Variants in ARFGEF3 observed in about 807,000 individuals in gnomAD.
ARFGEF3 encodes the protein ARFGEF family member 3.
Under a neutral mutation model 221.7 loss-of-function variants are expected in ARFGEF3, and 96 were observed. The ratio of observed to expected loss-of-function variants is 0.43; its 90% CI spans 0.37 to 0.51. ARFGEF3 has a LOEUF of 0.51. Among genes scored for constraint, ARFGEF3 ranks in the 20% least tolerant of loss-of-function variants. ARFGEF3 has a pLI of 0.00. For missense variants in ARFGEF3, 2,410 were observed against 2,789.9 expected (o/e 0.86, Z 3.07); for synonymous variants, 1,145 against 1,126.8 (o/e 1.02, Z -0.32).
chr6:138,272,241 C>T (rs1228340507), intron 12 of ARFGEF3, among the ~76,000 whole-genome samples: 8 of 152,060 alleles, frequency 5.3e-5, no homozygotes, highest in African/African-American at 1.7e-4. Flanking sequence ...CTGCAACCTC[C>T]GCCTCCTGGG....
Position 138,162,120 on chromosome 6 carries a change from G to A in ARFGEF3, c.34G>A (p.Ala12Thr). The change falls in exon 1 of 34, where the codon GCG becomes ACG. Residue 12 changes from alanine (A) to threonine (T), a missense_variant. Ala to Thr is a moderately conservative substitution (Grantham distance 58). This residue lies in a region of ARFGEF3 where 570 missense variants were observed against 586.9 expected (regional missense o/e 0.97). Transcript: ENST00000251691. The surrounding 1 kb of genome is among the most constrained non-coding windows in gnomAD (Gnocchi z 4.7). ...AATCCTGAGGAAGCTGCAGAAGGAG[G>A]CGTCCGGGAGCAAGTACAAAGCCAT... ...EEILRKLQKE[A>T]SGSKYKAIKE... The A allele has an allele frequency of 6.2e-7, 1 of 1,604,992 alleles. No individual in the cohort carries two copies. The highest frequency in any genetic ancestry group is 1.1e-5 in the South Asian group (1 of 90,588).
rs1432541692 is a variant in ARFGEF3, at chr6:138,291,953, G to A, written c.3268G>A (p.Glu1090Lys). Residue 1090 changes from glutamate (E) to lysine (K), a missense_variant, in exon 19 of 34, where the codon GAA (glutamate) becomes AAA (lysine). By Grantham distance (56) the Glu-to-Lys change is moderately conservative. This residue lies in a region of ARFGEF3 where 184 missense variants were observed against 141.8 expected (regional missense o/e 1.30). Transcript: ENST00000251691. This position sits in a 1 kb window ranked among gnomAD's most constrained non-coding sequence, Gnocchi z 4.5. The stretch of plus-strand genomic sequence containing the variant: ...CCTGTCCATCCAGGACCTCGTCCGG[G>A]AAGGCAGCCGGGGTCGGGCCTCCGA... Reference protein sequence around the residue: ...QPLSIQDLVREGSRGRASDFR... With the variant: ...QPLSIQDLVRKGSRGRASDFR... 6.5e-7 allele frequency: 1 copy of A among 1,529,964 alleles called. No homozygotes were observed. The highest frequency in any genetic ancestry group is 1.2e-5 in the South Asian group (1 of 81,722). 94.8% of individuals were successfully genotyped at this position (1,529,964 alleles called of 1,614,324 possible). A position where few individuals can be genotyped will look rare whatever the true frequency, so the allele number is the denominator to read the frequency against.
At chr6:138,280,866 G>A (rs1371614414) in intron 14 of ARFGEF3, among the ~76,000 whole-genome samples, 1 of 151,834 alleles carries the variant, frequency 6.6e-6, no homozygotes, top group African/African-American at 2.4e-5. Context: ...CAAAAAGTTG[G>A]TTTCCTTCCG....
intron 7 of ARFGEF3, 44 bp from the exon 8 acceptor site, chr6:138,245,469 C>T (rs1778468490): frequency 7.3e-7 from 1 of 1,369,778 alleles, no homozygotes; most frequent in Non-Finnish European, 1.0e-6. Context: ...GCTCGTCGTG[C>T]CCCCTGTCGA....
At chr6:138,167,487 C>T (rs1776744678) in intron 1 of ARFGEF3, among the ~76,000 whole-genome samples, 1 of 152,208 alleles carries the variant, frequency 6.6e-6, no homozygotes, top group Non-Finnish European at 1.5e-5. Flanking sequence ...TACCTCACTG[C>T]CCAACCTCAC....
intron 4 of ARFGEF3, among the ~76,000 whole-genome samples, chr6:138,213,400 G>T (rs142188968): frequency 1.3e-5 from 2 of 151,802 alleles, no homozygotes; most frequent in Admixed American, 6.6e-5. Flanking sequence ...AGATGTTGCC[G>T]TGAGCCGAGA....
intron 23 of ARFGEF3, among the ~76,000 whole-genome samples, chr6:138,307,930 A>C (rs1032925941): frequency 6.6e-6 from 1 of 152,198 alleles, no homozygotes; most frequent in Non-Finnish European, 1.5e-5. Context: ...AGTTTTAGCA[A>C]CGTAGGAAGG....
chr6:138,255,385 T>G (rs996406520), intron 9 of ARFGEF3, 51 bp from the exon 10 acceptor site: 2 of 1,378,728 alleles, frequency 1.5e-6, no homozygotes, highest in Non-Finnish European at 2.0e-6. Flanking sequence ...CAGAGTAAAT[T>G]TTATCATTTG....
intron 4 of ARFGEF3, among the ~76,000 whole-genome samples, chr6:138,213,040 G>C (rs1272140408): frequency 6.6e-6 from 1 of 152,022 alleles, no homozygotes; most frequent in Non-Finnish European, 1.5e-5. Flanking sequence ...TGTAATCCCA[G>C]CACTTTGGGA....
chr6:138,239,333 T>C (rs1294023705), intron 6 of ARFGEF3, among the ~76,000 whole-genome samples: 1 of 152,158 alleles, frequency 6.6e-6, no homozygotes, highest in Non-Finnish European at 1.5e-5. Context: ...GAAATGACAT[T>C]AGTTATTTGT....
At chr6:138,299,574 C>T (rs1355268305) in intron 22 of ARFGEF3, among the ~76,000 whole-genome samples, 1 of 152,192 alleles carries the variant, frequency 6.6e-6, no homozygotes, top group Non-Finnish European at 1.5e-5. Flanking sequence ...TACCTTGACA[C>T]ACTGGCAAGA....
At chr6:138,239,852 T>C (rs1458982420) in intron 6 of ARFGEF3, among the ~76,000 whole-genome samples, 2 of 152,034 alleles carry the variant, frequency 1.3e-5, no homozygotes, top group Non-Finnish European at 2.9e-5. Flanking sequence ...TTTTCCTCAT[T>C]TATAGATGAG....
chr6:138,213,463 AT>A (rs1304907017), intron 4 of ARFGEF3, among the ~76,000 whole-genome samples: 1 of 151,796 alleles, frequency 6.6e-6, no homozygotes, highest in Non-Finnish European at 1.5e-5. Flanking sequence ...AAAAAAAAAA[AT>A]ATTGTCACTA....
intron 5 of ARFGEF3, among the ~76,000 whole-genome samples, chr6:138,232,243 A>G (rs1177826779): frequency 2.0e-5 from 3 of 152,232 alleles, no homozygotes; most frequent in Non-Finnish European, 4.4e-5. Flanking sequence ...ACGGTGGCTC[A>G]TGCCTGTAAT....
rs553169810 is a variant in ARFGEF3, at chr6:138,335,193, A to C, written c.6342+5A>C. ...GACGCAGAAGCACAGATCCAGGTACATCCCTGTGGCCACAGCAGGTGGGCG... is the reference window on the plus strand; with the variant it reads ...GACGCAGAAGCACAGATCCAGGTACCTCCCTGTGGCCACAGCAGGTGGGCG... On this transcript the variant is annotated splice_donor_5th_base_variant and intron_variant, in intron 33 of 33. Coordinates refer to ENST00000251691, the MANE Select transcript of ARFGEF3 (RefSeq NM_020340.5). 1.1e-5 allele frequency: 17 copies of C among 1,524,180 alleles called. 1 individual carries two copies. In the South Asian group the frequency reaches 2.0e-4, roughly 18 times the overall value. 94.4% of individuals were successfully genotyped at this position (1,524,180 alleles called of 1,614,324 possible). A position where few individuals can be genotyped will look rare whatever the true frequency, so the allele number is the denominator to read the frequency against.
chr6:138,290,674 G>C (rs940275054), intron 18 of ARFGEF3, among the ~76,000 whole-genome samples: 1 of 152,158 alleles, frequency 6.6e-6, no homozygotes, highest in African/African-American at 2.4e-5. Context: ...ACTGCCCATG[G>C]AACAGGGCGG....
chr6:138,332,703 A>G (rs1305337632), intron 32 of ARFGEF3, among the ~76,000 whole-genome samples: 1 of 152,258 alleles, frequency 6.6e-6, no homozygotes, highest in Non-Finnish European at 1.5e-5. Flanking sequence ...GTTACACAAC[A>G]TTATGAATAT....
At chr6:138,323,896 CAG>C (rs2114684246) in intron 30 of ARFGEF3, 123 bp downstream of exon 30, 3 of 1,534,178 alleles carry the variant, frequency 2.0e-6, no homozygotes, top group Admixed American at 3.5e-5. Context: ...TTAGATCTTG[CAG>C]AGAGTGAGAA....
At chr6:138,164,993 G>A (rs1343425135) in intron 1 of ARFGEF3, among the ~76,000 whole-genome samples, 1 of 151,694 alleles carries the variant, frequency 6.6e-6, no homozygotes, top group African/African-American at 2.4e-5. Flanking sequence ...GACCCTCATA[G>A]GAGCAAGGGG....
Sources: gnomAD v4.1 joint callset for allele counts (sites outside exome capture counted in the v4.1 genomes callset) on GRCh38, gnomAD v4.1.1 for gene constraint, gnomAD v4.1.1 regional missense constraint, Gnocchi (gnomAD v3.1) non-coding constraint, MANE v1.5 for transcripts, NCBI Gene and HGNC (gene_info 2026-07-23, HGNC 2026-07-21) for gene names.